MPPED2: variants seen among roughly 807,000 people sequenced by gnomAD.
The protein encoded by MPPED2 is metallophosphoesterase MPPED2.
In MPPED2, 5 loss-of-function variants were observed where a neutral mutation model predicts 33.0. The ratio of observed to expected loss-of-function variants is 0.15; its 90% CI spans 0.08 to 0.32. The LOEUF is 0.32. MPPED2 is among the 10% of genes least tolerant of loss of function. The pLI is 1.00. For missense variants in MPPED2, 275 were observed against 372.1 expected, an observed-to-expected ratio of 0.74 and a Z score of 2.15; for synonymous variants, 136 against 141.9, an observed-to-expected ratio of 0.96 and a Z score of 0.29.
intron 3 of MPPED2, among the ~76,000 whole-genome samples, chr11:30,515,487 T>C (rs1469503064): frequency 1.3e-5 from 2 of 152,122 alleles, no homozygotes; most frequent in African/African-American, 2.4e-5. Context: ...AGATAGAAAC[T>C]AGGGGCTAGA....
downstream of MPPED2, among the ~76,000 whole-genome samples, chr11:30,409,917 T>A (rs562531817): frequency 6.6e-6 from 1 of 152,146 alleles, no homozygotes; most frequent in Non-Finnish European, 1.5e-5. Flanking sequence ...TATCACAAAC[T>A]TGCCCAAAAT....
downstream of MPPED2, chr11:30,410,042 C>A: frequency 1.1e-6 from 1 of 911,410 alleles, no homozygotes; most frequent in Non-Finnish European, 1.3e-6. Flanking sequence ...ACACTGAGTG[C>A]CTTATCGATC....
intron 4 of MPPED2, among the ~76,000 whole-genome samples, chr11:30,470,789 C>A (rs2134057900): frequency 6.6e-6 from 1 of 152,180 alleles, no homozygotes; most frequent in African/African-American, 2.4e-5. Flanking sequence ...TTATCCTAAC[C>A]CTTAGTACCA....
intron 2 of MPPED2, among the ~76,000 whole-genome samples, chr11:30,568,672 C>A (rs1052784078): frequency 6.6e-6 from 1 of 152,138 alleles, no homozygotes; most frequent in African/African-American, 2.4e-5. Flanking sequence ...AGGGAACAGG[C>A]CCTAGCATAC....
At chr11:30,551,817 C>T (rs1426414913) in intron 2 of MPPED2, among the ~76,000 whole-genome samples, 18 of 152,162 alleles carry the variant, frequency 1.2e-4, no homozygotes, top group African/African-American at 4.3e-4. Context: ...CAACCTCATA[C>T]TTCAGTATTC....
intron 4 of MPPED2, among the ~76,000 whole-genome samples, chr11:30,467,795 G>A (rs1172700605): frequency 2.6e-5 from 4 of 152,202 alleles, no homozygotes; most frequent in Admixed American, 2.0e-4. Context: ...AAAAACTCGA[G>A]TTGCTGGTGC....
chr11:30,464,267 T>C (rs1950617018), intron 4 of MPPED2, among the ~76,000 whole-genome samples: 1 of 62,396 alleles, frequency 1.6e-5, no homozygotes, highest in Non-Finnish European at 2.6e-5. Flanking sequence ...GAAAGGATAC[T>C]AACACACACA....
chr11:30,489,876 TCTGCAGCTTGG>T (rs1340966035), intron 4 of MPPED2, among the ~76,000 whole-genome samples: 7 of 151,928 alleles, frequency 4.6e-5, no homozygotes, highest in Non-Finnish European at 7.4e-5. Context: ...CCTTTCACTT[TCTGCAGCTTGG>T]CTGCTGATCA....
intron 4 of MPPED2, among the ~76,000 whole-genome samples, chr11:30,491,794 G>T (rs73455795): frequency 0.023 from 3,534 of 152,290 alleles, 135 homozygotes; most frequent in African/African-American, 0.08. Context: ...TAATTTTGAT[G>T]AAATATCTTC....
intron 4 of MPPED2, among the ~76,000 whole-genome samples, chr11:30,476,922 G>A (rs1181420144): frequency 1.3e-5 from 2 of 151,924 alleles, no homozygotes; most frequent in Admixed American, 1.3e-4. Context: ...TGGTTTTTCA[G>A]TGAAGAGATT....
chr11:30,528,830 G>T (rs532637532), intron 3 of MPPED2, among the ~76,000 whole-genome samples: 1 of 151,926 alleles, frequency 6.6e-6, no homozygotes, highest in Non-Finnish European at 1.5e-5. Context: ...TATGTGACAC[G>T]GACTCTCAAA....
rs570127510 is a variant in MPPED2 at position 30,446,804 on chromosome 11, G to GC, written c.537-29172dup. ...TAATTTGTTTGCCAAGACTGTCGGA[G>GC]CCCCCCCCGACGCCAAGTCCCAGTC... On this transcript the variant is annotated intron_variant, in intron 4 of 6. Transcript: ENST00000358117. Among the ~76,000 whole-genome samples the GC allele has an allele frequency of 4.7e-3, 706 of 151,736 alleles. 25 individuals are homozygous for GC. Among genetic ancestry groups the GC allele is most frequent in the Admixed American group, 0.029 (441 of 15,218 alleles).
intron 3 of MPPED2, among the ~76,000 whole-genome samples, chr11:30,501,347 G>C (rs1368404499): frequency 1.3e-5 from 2 of 152,168 alleles, no homozygotes; most frequent in Non-Finnish European, 2.9e-5. Flanking sequence ...GTTCCAACAT[G>C]TCTTTCAAAC....
chr11:30,479,488 C>T (rs1300205866), intron 4 of MPPED2, among the ~76,000 whole-genome samples: 1 of 152,028 alleles, frequency 6.6e-6, no homozygotes, highest in Non-Finnish European at 1.5e-5. Context: ...TAAGGCTTCC[C>T]TCCCCAGCAA....
chr11:30,541,706 C>A (rs565469707), intron 2 of MPPED2, among the ~76,000 whole-genome samples: 5 of 152,142 alleles, frequency 3.3e-5, no homozygotes, highest in Admixed American at 3.3e-4. Context: ...AATTCTCCTG[C>A]CTCAGCCTCT....
chr11:30,529,850 G>A (rs1424260092), intron 3 of MPPED2, among the ~76,000 whole-genome samples: 1 of 152,176 alleles, frequency 6.6e-6, no homozygotes, highest in Non-Finnish European at 1.5e-5. Context: ...TTACAGCCAT[G>A]TCTAACAAAA....
chr11:30,407,653 C>T (rs1375846895), downstream of MPPED2, among the ~76,000 whole-genome samples: 1 of 152,180 alleles, frequency 6.6e-6, no homozygotes, highest in African/African-American at 2.4e-5. Context: ...AGGCGGGTCA[C>T]CTGAGCTCAG....
chr11:30,504,820 A>G (rs1952745406), intron 3 of MPPED2: 1 of 1,285,782 alleles, frequency 7.8e-7, no homozygotes. Context: ...CATGCTTGCA[A>G]TGGGAAACCA....
intron 4 of MPPED2, among the ~76,000 whole-genome samples, chr11:30,431,827 C>T (rs575176975): frequency 2.0e-5 from 3 of 152,208 alleles, no homozygotes; most frequent in South Asian, 2.1e-4. Flanking sequence ...GGTCCTCTGT[C>T]GCTTACTCAG....
Sources: allele counts gnomAD v4.1 joint callset (sites outside exome capture counted in the v4.1 genomes callset), GRCh38; gene constraint gnomAD v4.1.1; transcripts MANE v1.5; gene names NCBI Gene and HGNC (gene_info 2026-07-23, HGNC 2026-07-21).